The following PLEC variants were observed in gnomAD, a reference collection of about 807,000 sequenced individuals.
PLEC encodes the protein plectin.
PLEC carries 216 observed loss-of-function variants against 392.8 expected under a neutral mutation model. The observed-to-expected ratio is 0.55, with a 90% CI of 0.49 to 0.62. PLEC has a LOEUF of 0.62. Ranked by LOEUF, PLEC falls within the 20% of genes least tolerant of loss-of-function variation. The pLI, the probability that PLEC is intolerant of heterozygous loss-of-function variation, is 0.00. For missense variants in PLEC, 6,863 were observed against 6,563.4 expected, an observed-to-expected ratio of 1.05 and a Z score of -1.58; for synonymous variants, 3,621 against 2,980.6, an observed-to-expected ratio of 1.21 and a Z score of -7.00.
chr8:143,922,483 C>T (rs781944285), intron 31 of PLEC, 21 bp downstream of exon 31: 55 of 1,604,556 alleles, frequency 3.4e-5, no homozygotes, highest in Non-Finnish European at 4.2e-5. Context: ...ACCCGCCCGT[C>T]GCACGTAGAG....
At chr8:143,936,926 G>C in intron 5 of PLEC, 53 bp downstream of exon 5, 1 of 1,402,276 alleles carries the variant, frequency 7.1e-7, no homozygotes, top group South Asian at 1.2e-5. Context: ...AGGAGCCCAG[G>C]CTACCCTGGA....
rs1554681821 is a variant in PLEC at position 143,920,446 on chromosome 8, A to T, written c.9375T>A (p.Ile3125=). Reference sequence around the variant, plus strand: ...ACAGGCGCAGGCCCTGCTCCCGGGGAATGAGGCCCTTCTTCAGGGCCTGGA... The same window carrying T: ...ACAGGCGCAGGCCCTGCTCCCGGGGTATGAGGCCCTTCTTCAGGGCCTGGA... ...SLFQALKKGL[I]PREQGLRLLD... is the part of the protein sequence containing the mutation. Residue 3125 remains isoleucine (I), a synonymous_variant, in exon 32 of 32, where the codon ATT becomes ATA. Transcript: ENST00000345136. The T allele has an allele frequency of 1.3e-6, 2 of 1,599,636 alleles. No homozygotes were observed. Among genetic ancestry groups the T allele is most frequent in the South Asian group, 1.1e-5 (1 of 90,742 alleles).
upstream of PLEC, among the ~76,000 whole-genome samples, chr8:143,940,220 A>G (rs1830185765): frequency 6.6e-6 from 1 of 152,068 alleles, no homozygotes; most frequent in Admixed American, 6.5e-5. Context: ...CACCTGGCAC[A>G]TCCTGGAGCA....
At chr8:143,945,165 C>A (rs782573748) in intron 1 of PLEC, 1 of 457,660 alleles carries the variant, frequency 2.2e-6, no homozygotes, top group South Asian at 1.6e-5. Flanking sequence ...CTCAACACAG[C>A]ACCTGGCCCC....
intron 2 of PLEC, 192 bp from the exon 3 acceptor site, chr8:143,938,432 G>A (rs1554725563): frequency 2.6e-6 from 4 of 1,538,998 alleles, no homozygotes; most frequent in Admixed American, 2.0e-5. Context: ...GGAGAGACCA[G>A]GAAAGACCAG....
At chr8:143,928,134 G>A in intron 25 of PLEC, 142 bp from the exon 26 acceptor site, 1 of 1,022,030 alleles carries the variant, frequency 9.8e-7, no homozygotes, top group Admixed American at 2.8e-5. Context: ...TGTGGTCAGA[G>A]GCTTGCTTCA....
chr8:143,941,167 T>G (rs1417553845), upstream of PLEC, among the ~76,000 whole-genome samples: 1 of 152,160 alleles, frequency 6.6e-6, no homozygotes, highest in African/African-American at 2.4e-5. Context: ...CCGCGCCTGC[T>G]GGGTATGGGC....
At chr8:143,965,049 C>T (rs537388177) in intron 1 of PLEC, among the ~76,000 whole-genome samples, 5 of 150,286 alleles carry the variant, frequency 3.3e-5, no homozygotes, top group Non-Finnish European at 5.9e-5. Context: ...CCACCCTCAC[C>T]GTCCCACTTG....
chr8:143,929,577 G>A lies in PLEC; in HGVS notation c.2924-6C>T. The A allele has an allele frequency of 1.2e-6, 2 of 1,612,292 alleles. No individual in the cohort carries two copies. Among genetic ancestry groups the A allele is most frequent in the South Asian group, 2.2e-5 (2 of 91,088 alleles). On this transcript the variant is annotated splice_region_variant and splice_polypyrimidine_tract_variant and intron_variant, in intron 23 of 31. Transcript: ENST00000345136. ...GCGAGACTCTTCCTGTGCACCTGGGGAACACATGTGGGTCACTCCACCGCC... is the reference window on the plus strand; with the variant it reads ...GCGAGACTCTTCCTGTGCACCTGGGAAACACATGTGGGTCACTCCACCGCC...
chr8:143,968,769 C>T (rs1217913655), intron 1 of PLEC, among the ~76,000 whole-genome samples: 2 of 152,152 alleles, frequency 1.3e-5, no homozygotes, highest in African/African-American at 4.8e-5. Context: ...CATTAGCCAT[C>T]AGGAAATGCA....
chr8:143,931,563 G>T lies in PLEC; in HGVS notation c.2275C>A (p.Arg759=). Residue 759 remains arginine, a synonymous_variant, in exon 19 of 32, where the codon CGG becomes AGG. Coordinates refer to ENST00000345136, the MANE Select transcript of PLEC (RefSeq NM_201384.3). ...GCATCCTGCAGCAGGTCCTCCAGCC[G>T]GGTGACGGTGGCGGAGCGATCACAA... is the stretch of plus-strand genomic sequence containing the variant. ...YSCDRSATVT[R]LEDLLQDAQD... 1.9e-6 allele frequency: 3 copies of T among 1,595,874 alleles called. No homozygotes were observed. The highest frequency in any genetic ancestry group is 4.5e-5 in the East Asian group (2 of 44,082).
In PLEC at chr8:143,925,530, G is replaced by T; in HGVS notation, c.4399C>A (p.Gln1467Lys). 6.3e-7 allele frequency: 1 copy of T among 1,595,022 alleles called. No homozygotes were observed. The highest frequency in any genetic ancestry group is 8.5e-7 in the Non-Finnish European group (1 of 1,177,798). The stretch of plus-strand genomic sequence containing the variant: ...AGCTCCCCCTCAGCCCCGCCACGCT[G>T]GCGCTCGGTGGCCTCCAACTGCAGG... ...VRLQLEATER[Q>K]RGGAEGELQA... The change falls in exon 31 of 32, where the codon CAG (glutamine) becomes AAG (lysine). Residue 1467 changes from glutamine (Q) to lysine (K), a missense_variant. Gln to Lys is a moderately conservative substitution (Grantham distance 53). Transcript: ENST00000345136.
In PLEC at chr8:143,935,783, T is replaced by A; in HGVS notation, c.602+65A>T. On this transcript the variant is annotated intron_variant, in intron 6 of 31. Transcript: ENST00000345136. ...CCTCCCTGCCCCAACGTGTCTGAAG[T>A]TGCCTAGTGGAGGCGCTGTGGGGGT... 1.9e-6 allele frequency: 3 copies of A among 1,561,342 alleles called. No individual in the cohort carries two copies. The South Asian group carries it at 3.4e-5, about 17-fold the overall frequency.
In PLEC at chr8:143,950,683, T is replaced by C. The variant is rs782361035; in HGVS notation, c.24A>G (p.Pro8=). The change falls in exon 1 of 32, where the codon CCA becomes CCG. Residue 8 remains proline (P), a synonymous_variant. Coordinates refer to the PLEC transcript ENST00000322810. ...CATAGATGGCCCGCAGCTGGTCCCG[T>C]GGCATGAGCATGCCGGCCACCATGG... 3.8e-6 allele frequency: 6 copies of C among 1,571,454 alleles called. No individual in the cohort carries two copies. The East Asian group carries it at 1.1e-4, about 30-fold the overall frequency.
At position 143,920,306 on chromosome 8, in the gene PLEC, G is replaced by T; in HGVS notation, c.9515C>A (p.Ser3172Ter). ...GGCCTTGGCGTCGGCCCTTGGTGCC[G>T]ACAGGGCCCTGCTGGTCTCCTCATC... ...CLDEETSRAL[S>*]APRADAKAYS... Residue 3172 changes from serine to a stop codon, truncating the protein, a stop_gained, in exon 32 of 32, where the codon TCG (serine) becomes TAG (stop). Coordinates refer to ENST00000345136, the MANE Select transcript of PLEC (RefSeq NM_201384.3). LOFTEE classifies it high-confidence loss of function. 6.3e-7 allele frequency: 1 copy of T among 1,590,196 alleles called. No individual in the cohort carries two copies. The highest frequency in any genetic ancestry group is 8.5e-7 in the Non-Finnish European group (1 of 1,174,352).
chr8:143,967,426 G>A (rs1405558748), intron 1 of PLEC, among the ~76,000 whole-genome samples: 7 of 150,918 alleles, frequency 4.6e-5, no homozygotes, highest in Admixed American at 2.0e-4. Context: ...GATGCGTGGT[G>A]TGAGACCCAT....
rs1554669717 is a variant in PLEC, at chr8:143,916,607, C to T, written c.13214G>A (p.Arg4405His). Residue 4405 changes from arginine (R) to histidine (H), a missense_variant, in exon 32 of 32, where the codon CGC becomes CAC. By Grantham distance (29) the Arg-to-His change is conservative (BLOSUM62 0). Transcript: ENST00000345136. The stretch of plus-strand genomic sequence containing the variant: ...CTGCAGGGCCTCGTCCAGGGGCACG[C>T]GGCCCGGCGTGTCGGGCTCGATCAA... ...GGLIEPDTPG[R>H]VPLDEALQRG... is the part of the protein sequence containing the mutation. The T allele has an allele frequency of 4.3e-6, 7 of 1,609,938 alleles. No homozygotes were observed. The highest frequency in any genetic ancestry group is 4.2e-6 in the Non-Finnish European group (5 of 1,178,866).
At position 143,925,902 on chromosome 8, in the gene PLEC, A is replaced by G. The variant is rs782739164; in HGVS notation, c.4045-18T>C. The G allele has an allele frequency of 2.8e-5, 43 of 1,536,430 alleles. No individual in the cohort carries two copies. The South Asian group carries it at 4.9e-4, about 17-fold the overall frequency. On this transcript the variant is annotated intron_variant, in intron 30 of 31. Transcript: ENST00000345136. ...GCCAGCCTCTGTGGCCACAGCAGAG[A>G]GAAGAAGAGAAGCAGAGAGAGTGTG...
At chr8:143,934,123 T>G (rs1554720310) in intron 11 of PLEC, 32 bp from the exon 12 acceptor site, 2 of 1,606,116 alleles carry the variant, frequency 1.2e-6, no homozygotes, top group Non-Finnish European at 1.7e-6. Context: ...GGGGCCGCGT[T>G]GGCCGGGTCC....
Sources: gnomAD v4.1 joint callset for allele counts (sites outside exome capture counted in the v4.1 genomes callset) on GRCh38, gnomAD v4.1.1 for gene constraint, MANE v1.5 for transcripts, NCBI Gene and HGNC (gene_info 2026-07-23, HGNC 2026-07-21) for gene names.